Variants in RXRG observed in about 807,000 individuals in gnomAD.
RXRG encodes retinoid X receptor gamma, also known as retinoic acid receptor RXR-gamma.
Under a neutral mutation model 49.2 loss-of-function variants are expected in RXRG, and 19 were observed. That is an observed-to-expected ratio of 0.39 (90% CI 0.27 to 0.57). The LOEUF (loss-of-function observed/expected upper bound fraction) is 0.57, where lower values mean the gene tolerates loss of function less well. Ranked by LOEUF, RXRG falls within the 20% of genes least tolerant of loss-of-function variation. RXRG has a pLI of 0.64. For missense variants in RXRG, 452 were observed against 592.5 expected, an observed-to-expected ratio of 0.76 and a Z score of 2.46; for synonymous variants, 224 against 216.6, an observed-to-expected ratio of 1.03 and a Z score of -0.30.
At chr1:165,439,420 T>TGG (rs141176089) in intron 1 of RXRG, among the ~76,000 whole-genome samples, 17 of 152,110 alleles carry the variant, frequency 1.1e-4, no homozygotes, top group African/African-American at 4.1e-4. Flanking sequence ...AGCCCTTCTC[T>TGG]GGGGGCTACA....
At chr1:165,405,112 G>A (rs571324589) in intron 9 of RXRG, among the ~76,000 whole-genome samples, 1 of 152,122 alleles carries the variant, frequency 6.6e-6, no homozygotes, top group African/African-American at 2.4e-5. Flanking sequence ...TTTATAGTTA[G>A]GAAAAAAGTG....
At chr1:165,403,244 C>T (rs1032308500) in intron 9 of RXRG, among the ~76,000 whole-genome samples, 1 of 152,138 alleles carries the variant, frequency 6.6e-6, no homozygotes, top group African/African-American at 2.4e-5. Flanking sequence ...TCATTTTTAA[C>T]GTTATTAATG....
chr1:165,411,597 A>T (rs1161971624), intron 4 of RXRG, among the ~76,000 whole-genome samples: 1 of 152,178 alleles, frequency 6.6e-6, no homozygotes, highest in Non-Finnish European at 1.5e-5. Context: ...TGAACACAAC[A>T]TCACCTGATC....
intron 4 of RXRG, among the ~76,000 whole-genome samples, chr1:165,413,352 T>G (rs1658014759): frequency 6.6e-6 from 1 of 152,258 alleles, no homozygotes; most frequent in Non-Finnish European, 1.5e-5. Flanking sequence ...GCAAAATTTA[T>G]GAAGCTCTTT....
At chr1:165,427,187 C>A (rs776882995) in intron 2 of RXRG, among the ~76,000 whole-genome samples, 1 of 152,200 alleles carries the variant, frequency 6.6e-6, no homozygotes, top group Non-Finnish European at 1.5e-5. Context: ...CACATAAAGG[C>A]CCTGCCAGTT....
At chr1:165,442,587 G>A (rs1349348982) in intron 1 of RXRG, among the ~76,000 whole-genome samples, 2 of 152,078 alleles carry the variant, frequency 1.3e-5, no homozygotes, top group Non-Finnish European at 1.5e-5. Context: ...AAATATGAGG[G>A]TCTTTGTGGA....
At position 165,444,922 on chromosome 1, in the gene RXRG, T is replaced by C. The variant is rs1239809119; in HGVS notation, c.-29A>G. ...TACTCGTCAGTTCATGTTCCTCTCC[T>C]GTGCAGCTTCTAAATATTACCGCCT... On this transcript the variant is annotated 5_prime_UTR_variant, in exon 1 of 10. Coordinates refer to ENST00000359842, the MANE Select transcript of RXRG (RefSeq NM_006917.5). 2 of 1,609,998 alleles carry C rather than the reference T, an allele frequency of 1.2e-6. No homozygotes were observed. Among genetic ancestry groups the C allele is most frequent in the Non-Finnish European group, 1.7e-6 (2 of 1,176,354 alleles).
At position 165,435,600 on chromosome 1, in the gene RXRG, A is replaced by G. The variant is rs538968411; in HGVS notation, c.50-6634T>C. 7.9e-5 allele frequency among the ~76,000 whole-genome samples: 12 copies of G among 152,292 alleles called. 1 individual carries two copies. The South Asian group carries it at 2.5e-3, about 32-fold the overall frequency. On this transcript the variant is annotated intron_variant, in intron 1 of 9. Transcript: ENST00000359842. ...TGGATTATATGTAAGAACAACTAAG[A>G]TACTCAATTCTTACCCTATGCTCTT...
chr1:165,430,018 C>T (rs866784492), intron 1 of RXRG, among the ~76,000 whole-genome samples: 3 of 152,298 alleles, frequency 2.0e-5, no homozygotes, highest in Middle Eastern at 6.8e-3. Context: ...GATCCCATCA[C>T]TAGATCCCTG....
At chr1:165,412,383 G>A (rs530874863) in intron 4 of RXRG, among the ~76,000 whole-genome samples, 2 of 152,180 alleles carry the variant, frequency 1.3e-5, no homozygotes, top group African/African-American at 4.8e-5. Flanking sequence ...AACAGGGTGA[G>A]AAAAAGAGGA....
At chr1:165,444,768 C>G (rs541843566) in intron 1 of RXRG, 77 bp downstream of exon 1, 2 of 1,205,114 alleles carry the variant, frequency 1.7e-6, no homozygotes. Context: ...CAATACTAAT[C>G]CAGTCATTCG....
intron 2 of RXRG, among the ~76,000 whole-genome samples, chr1:165,422,802 A>G (rs1357176416): frequency 6.6e-6 from 1 of 152,244 alleles, no homozygotes; most frequent in East Asian, 1.9e-4. Context: ...GGAGACATCC[A>G]AGGTATTGCA....
intron 1 of RXRG, among the ~76,000 whole-genome samples, chr1:165,431,645 T>A (rs1258236032): frequency 6.6e-6 from 1 of 152,184 alleles, no homozygotes; most frequent in African/African-American, 2.4e-5. Flanking sequence ...TTTAAACAGA[T>A]CTCAGAGAGA....
intron 2 of RXRG, among the ~76,000 whole-genome samples, chr1:165,422,502 C>T (rs1658355393): frequency 6.6e-6 from 1 of 152,020 alleles, no homozygotes; most frequent in Admixed American, 6.5e-5. Context: ...GGACGACAGC[C>T]TTCAAAAATG....
intron 4 of RXRG, among the ~76,000 whole-genome samples, chr1:165,412,912 G>A (rs898715566): frequency 2.6e-5 from 4 of 152,132 alleles, no homozygotes; most frequent in Admixed American, 2.0e-4. Flanking sequence ...TTTTTTTAAA[G>A]GTAGGTTATG....
In RXRG at chr1:165,408,227, C is replaced by T. The variant is rs1376628103; in HGVS notation, c.1138G>A (p.Asp380Asn). The change falls in exon 8 of 10, where the codon GAT (aspartate) becomes AAT (asparagine). Residue 380 changes from aspartate to asparagine, a missense_variant and splice_region_variant. Transcript: ENST00000359842. ...TCCCCTGGGGTTGAAGGGCGGTTAC[C>T]TGGGTTAAAGAGTACAATGGCTCGC... ...CLRAIVLFNP[D>N]AKGLSNPSEV... 1 of 1,613,150 alleles carries T rather than the reference C, an allele frequency of 6.2e-7. No homozygotes were observed. Among genetic ancestry groups the T allele is most frequent in the Non-Finnish European group, 8.5e-7 (1 of 1,179,116 alleles).
chr1:165,403,752 T>A (rs954336479), intron 9 of RXRG, among the ~76,000 whole-genome samples: 1 of 152,208 alleles, frequency 6.6e-6, no homozygotes, highest in Non-Finnish European at 1.5e-5. Context: ...GGATTAACTT[T>A]AAAAAATTTT....
intron 4 of RXRG, among the ~76,000 whole-genome samples, chr1:165,411,387 T>C (rs1220456487): frequency 6.6e-6 from 1 of 152,178 alleles, no homozygotes; most frequent in Non-Finnish European, 1.5e-5. Context: ...ACTCTAATTG[T>C]ATCCTCTCTT....
chr1:165,441,914 C>A (rs777128697), intron 1 of RXRG, among the ~76,000 whole-genome samples: 28 of 152,278 alleles, frequency 1.8e-4, no homozygotes, highest in Middle Eastern at 3.4e-3. Context: ...GTGGAGCCAC[C>A]ACGTAGCCAC....
Sources: gnomAD v4.1 joint callset for allele counts (sites outside exome capture counted in the v4.1 genomes callset) on GRCh38, gnomAD v4.1.1 for gene constraint, MANE v1.5 for transcripts, NCBI Gene and HGNC (gene_info 2026-07-23, HGNC 2026-07-21) for gene names.